Variants in ZBTB20 observed in about 807,000 individuals in gnomAD.
ZBTB20 encodes the protein zinc finger and BTB domain containing 20.
ZBTB20 carries 9 observed loss-of-function variants against 56.9 expected under a neutral mutation model. The observed-to-expected ratio is 0.16, with a 90% confidence interval of 0.10 to 0.28. The LOEUF (loss-of-function observed/expected upper bound fraction) is 0.28. Among genes scored for constraint, ZBTB20 ranks in the 10% least tolerant of loss-of-function variants. The pLI is 1.00. For missense variants in ZBTB20, 655 were observed against 1,003.0 expected, an observed-to-expected ratio of 0.65 and a Z score of 4.69; for synonymous variants, 417 against 420.7, an observed-to-expected ratio of 0.99 and a Z score of 0.11.
intron 10 of ZBTB20, among the ~76,000 whole-genome samples, chr3:114,359,989 T>C (rs1345560657): frequency 6.6e-6 from 1 of 152,160 alleles, no homozygotes; most frequent in Non-Finnish European, 1.5e-5. Context: ...GGCATTTCTT[T>C]AAAGAATATC....
At chr3:114,569,881 C>T (rs765967707) in intron 6 of ZBTB20, among the ~76,000 whole-genome samples, 2 of 152,034 alleles carry the variant, frequency 1.3e-5, no homozygotes, top group Non-Finnish European at 2.9e-5. Flanking sequence ...CTCTCTCTCC[C>T]CACCTTCACT....
intron 2 of ZBTB20, among the ~76,000 whole-genome samples, chr3:115,016,228 T>C (rs2079951517): frequency 6.6e-6 from 1 of 152,032 alleles, no homozygotes. Flanking sequence ...CTTTGTCAGA[T>C]GGGTAGAATG....
chr3:114,755,982 AAT>A (rs1265472611), intron 5 of ZBTB20, among the ~76,000 whole-genome samples: 1 of 152,156 alleles, frequency 6.6e-6, no homozygotes, highest in Non-Finnish European at 1.5e-5. Flanking sequence ...CACTTCACTG[AAT>A]ATAGTTTTAT....
intron 5 of ZBTB20, among the ~76,000 whole-genome samples, chr3:114,756,714 T>C (rs2068033681): frequency 6.6e-6 from 1 of 152,164 alleles, no homozygotes; most frequent in South Asian, 2.1e-4. Flanking sequence ...TTTGCATATT[T>C]TCCTCTGAGA....
At chr3:115,125,755 T>C (rs1052287451) in intron 1 of ZBTB20, among the ~76,000 whole-genome samples, 12 of 152,238 alleles carry the variant, frequency 7.9e-5, no homozygotes, top group African/African-American at 2.2e-4. Context: ...TGCATGTTAA[T>C]AAACTTGATT....
At chr3:114,415,014 C>T (rs945096552) in intron 7 of ZBTB20, among the ~76,000 whole-genome samples, 1 of 151,756 alleles carries the variant, frequency 6.6e-6, no homozygotes, top group African/African-American at 2.4e-5. Flanking sequence ...CAACTCATAG[C>T]TTTCACAAAT....
intron 2 of ZBTB20, among the ~76,000 whole-genome samples, chr3:114,997,595 G>C (rs1036969645): frequency 2.0e-5 from 3 of 151,524 alleles, no homozygotes; most frequent in Non-Finnish European, 4.4e-5. Flanking sequence ...GCTTGAACAA[G>C]TTCGAATGTT....
At chr3:114,373,217 T>C (rs1237654837) in intron 10 of ZBTB20, among the ~76,000 whole-genome samples, 2 of 152,218 alleles carry the variant, frequency 1.3e-5, no homozygotes, top group Admixed American at 1.3e-4. Flanking sequence ...CCTTGCCCCC[T>C]CAGAATACTT....
intron 5 of ZBTB20, among the ~76,000 whole-genome samples, chr3:114,778,976 T>C (rs1002617651): frequency 4.6e-5 from 7 of 152,186 alleles, no homozygotes; most frequent in African/African-American, 1.4e-4. Context: ...GAAATTCTAA[T>C]AGTTATCCCT....
chr3:114,479,796 A>C (rs1451938288), intron 7 of ZBTB20, among the ~76,000 whole-genome samples: 1 of 152,248 alleles, frequency 6.6e-6, no homozygotes, highest in Non-Finnish European at 1.5e-5. Flanking sequence ...CATTTATTGA[A>C]GTGCTGAAAC....
At chr3:114,826,175 A>T (rs2073513788) in intron 4 of ZBTB20, among the ~76,000 whole-genome samples, 1 of 151,764 alleles carries the variant, frequency 6.6e-6, no homozygotes. Context: ...GTTGAGATTA[A>T]AGCCAAGACT....
intron 4 of ZBTB20, among the ~76,000 whole-genome samples, chr3:114,822,835 A>C (rs2073327783): frequency 6.6e-6 from 1 of 152,084 alleles, no homozygotes; most frequent in South Asian, 2.1e-4. Context: ...TACAAGTAGA[A>C]TCAGATCCTT....
At chr3:114,741,748 G>C (rs968487869) in intron 5 of ZBTB20, among the ~76,000 whole-genome samples, 1 of 151,792 alleles carries the variant, frequency 6.6e-6, no homozygotes, top group Non-Finnish European at 1.5e-5. Flanking sequence ...TGGGCATGGT[G>C]GTGGGCACCT....
chr3:114,708,795 ACAAAGTG>A (rs1409693267), intron 5 of ZBTB20, among the ~76,000 whole-genome samples: 3 of 152,184 alleles, frequency 2.0e-5, no homozygotes, highest in Non-Finnish European at 2.9e-5. Context: ...TTGTGTACAC[ACAAAGTG>A]CAAAAAGACC....
At chr3:114,629,268 T>G (rs1161747430) in intron 6 of ZBTB20, among the ~76,000 whole-genome samples, 1 of 152,170 alleles carries the variant, frequency 6.6e-6, no homozygotes, top group African/African-American at 2.4e-5. Flanking sequence ...TTAATTAATA[T>G]GAGGATCCAA....
chr3:115,044,191 A>G (rs890527624), intron 2 of ZBTB20, among the ~76,000 whole-genome samples: 3 of 152,176 alleles, frequency 2.0e-5, no homozygotes, highest in Non-Finnish European at 4.4e-5. Context: ...CTTTATAGCA[A>G]TACAAGAATG....
intron 4 of ZBTB20, among the ~76,000 whole-genome samples, chr3:114,893,843 G>A (rs999841375): frequency 6.6e-6 from 1 of 152,136 alleles, no homozygotes; most frequent in African/African-American, 2.4e-5. Context: ...CAGAATCAAC[G>A]CTTGCAGTCT....
chr3:114,514,387 TCA>T, intron 6 of ZBTB20, among the ~76,000 whole-genome samples: 1 of 152,272 alleles, frequency 6.6e-6, no homozygotes, highest in South Asian at 2.1e-4. Context: ...GGATGGTATC[TCA>T]CAGTGCATAA....
intron 7 of ZBTB20, among the ~76,000 whole-genome samples, chr3:114,478,083 A>C (rs898751105): frequency 6.6e-6 from 1 of 150,740 alleles, no homozygotes; most frequent in East Asian, 2.0e-4. Flanking sequence ...TGGGTTCATG[A>C]GTTCTCCTGA....
Sources: gnomAD v4.1 joint callset for allele counts (sites outside exome capture counted in the v4.1 genomes callset) on GRCh38, gnomAD v4.1.1 for gene constraint, MANE v1.5 for transcripts, NCBI Gene and HGNC (gene_info 2026-07-23, HGNC 2026-07-21) for gene names.